The following TMEM242 variants were observed in gnomAD, a reference collection of about 807,000 sequenced individuals.
The protein encoded by TMEM242 is transmembrane protein 242.
TMEM242 carries 10 observed loss-of-function variants against 18.2 expected under a neutral mutation model. That is an observed-to-expected ratio of 0.55 (90% CI 0.34 to 0.93). TMEM242 has a LOEUF of 0.93. Ranked by LOEUF, TMEM242 falls within the 40% of genes least tolerant of loss-of-function variation. The pLI, the probability that TMEM242 is intolerant of heterozygous loss-of-function variation, is 0.02. For missense variants in TMEM242, 186 were observed against 175.5 expected, an observed-to-expected ratio of 1.06 and a Z score of -0.34; for synonymous variants, 57 against 69.9, an observed-to-expected ratio of 0.81 and a Z score of 0.92.
At chr6:157,298,843 A>G (rs1777786647) in intron 3 of TMEM242, among the ~76,000 whole-genome samples, 2 of 152,210 alleles carry the variant, frequency 1.3e-5, no homozygotes, top group Non-Finnish European at 2.9e-5. Context: ...TACCAAAAAC[A>G]CTTTCTTTAG....
chr6:157,311,360 A>ACG (rs1778078418), intron 3 of TMEM242, among the ~76,000 whole-genome samples: 6 of 35,910 alleles, frequency 1.7e-4, no homozygotes, highest in Admixed American at 5.5e-4. Context: ...GCGCTCACCT[A>ACG]GCCTCATCAT....
intron 3 of TMEM242, chr6:157,300,015 A>G: frequency 8.5e-7 from 1 of 1,183,332 alleles, no homozygotes; most frequent in South Asian, 1.2e-5. Flanking sequence ...GTGAAGAGCC[A>G]GGCGCCCTTG....
intron 3 of TMEM242, among the ~76,000 whole-genome samples, chr6:157,303,766 G>T (rs1448371435): frequency 7.3e-6 from 1 of 136,492 alleles, no homozygotes; most frequent in Non-Finnish European, 1.5e-5. Context: ...ATCATAGAAT[G>T]CAAATTGTAG....
In TMEM242 at chr6:157,322,738, C is replaced by A. The variant is rs782482187; in HGVS notation, c.156G>T (p.Leu52Phe). 4.3e-6 allele frequency: 7 copies of A among 1,613,408 alleles called. No individual in the cohort carries two copies. Among genetic ancestry groups the A allele is most frequent in the Non-Finnish European group, 5.9e-6 (7 of 1,179,810 alleles). Residue 52 changes from leucine to phenylalanine, a missense_variant, in exon 2 of 4, where the codon TTG (leucine) becomes TTT (phenylalanine). Leu to Phe is a conservative substitution (Grantham distance 22, BLOSUM62 0). Coordinates refer to ENST00000400788, the MANE Select transcript of TMEM242 (RefSeq NM_018452.6). ...ACCATTCAGGGCTTTTCTTTTTAGCCAATGATAATGTTGTAATAAATCCAG... is the reference window on the plus strand; with the variant it reads ...ACCATTCAGGGCTTTTCTTTTTAGCAAATGATAATGTTGTAATAAATCCAG... ...MLAGFITTLS[L>F]AKKKSPEWFN... is the part of the protein sequence containing the mutation.
chr6:157,312,778 A>T (rs1778218071), intron 3 of TMEM242, among the ~76,000 whole-genome samples: 2 of 141,352 alleles, frequency 1.4e-5, no homozygotes, highest in Admixed American at 1.4e-4. Context: ...GTGTGCGCTC[A>T]CCTAGCTTCA....
In TMEM242 at chr6:157,289,119, A is replaced by G. The variant is rs1427822783; in HGVS notation, c.*3782T>C. ...AGTAATGAAACAAAGGCCTCGAGCCAGCTTCTCTAAGAAATATAAATCAAG... is the reference window on the plus strand; with the variant it reads ...AGTAATGAAACAAAGGCCTCGAGCCGGCTTCTCTAAGAAATATAAATCAAG... On this transcript the variant is annotated 3_prime_UTR_variant, in exon 4 of 4. Coordinates refer to ENST00000400788, the MANE Select transcript of TMEM242 (RefSeq NM_018452.6). Among the ~76,000 whole-genome samples, 1 of 151,464 alleles carries G rather than the reference A, an allele frequency of 6.6e-6. No homozygotes were observed.
rs1554250887 is a variant in TMEM242 at position 157,323,500 on chromosome 6, G to A, written c.-1C>T. 1 of 1,613,652 alleles carries A rather than the reference G, an allele frequency of 6.2e-7. No individual in the cohort carries two copies. Among genetic ancestry groups the A allele is most frequent in the Non-Finnish European group, 8.5e-7 (1 of 1,179,734 alleles). ...CAGTTGCAGCGCCCGCTGTCTCCAT[G>A]TTTAGGTCGCCTCTAGTGCGTCCGT... On this transcript the variant is annotated 5_prime_UTR_variant, in exon 1 of 4. Transcript: ENST00000400788.
rs9456378 is a variant in TMEM242, at chr6:157,310,839, T to G, written c.327+7943A>C. Among the ~76,000 whole-genome samples, 363 of 150,976 alleles carry G rather than the reference T, an allele frequency of 2.4e-3. 2 individuals carry two copies. The highest frequency in any genetic ancestry group is 3.7e-3 in the Admixed American group (56 of 15,124). ...GTGCACTCACCCGGCCTCATCATAGTGTCCCAGTGTGCACTCACCTAGCCT... is the reference window on the plus strand; with the variant it reads ...GTGCACTCACCCGGCCTCATCATAGGGTCCCAGTGTGCACTCACCTAGCCT... On this transcript the variant is annotated intron_variant, in intron 3 of 3. Coordinates refer to ENST00000400788, the MANE Select transcript of TMEM242 (RefSeq NM_018452.6).
At chr6:157,314,625 C>G (rs782696466) in intron 3 of TMEM242, among the ~76,000 whole-genome samples, 1 of 152,200 alleles carries the variant, frequency 6.6e-6, no homozygotes, top group Non-Finnish European at 1.5e-5. Context: ...GCTGGGCAAA[C>G]TTACCTGCCT....
At position 157,306,697 on chromosome 6, in the gene TMEM242, G is replaced by T. The variant is rs137955798; in HGVS notation, c.327+12085C>A. 3.0e-3 allele frequency among the ~76,000 whole-genome samples: 454 copies of T among 152,196 alleles called. 2 individuals carry two copies. The highest frequency in any genetic ancestry group is 5.0e-3 in the Non-Finnish European group (340 of 68,012). ...AAAAAAAGCACCTTAAGCATAACTG[G>T]GTAAAATAAAGCAGCACTATTTCAC... is the stretch of plus-strand genomic sequence containing the variant. On this transcript the variant is annotated intron_variant, in intron 3 of 3. Coordinates refer to ENST00000400788, the MANE Select transcript of TMEM242 (RefSeq NM_018452.6).
chr6:157,293,173 A>G (rs1554246948), intron 3 of TMEM242, among the ~76,000 whole-genome samples, 174 bp from the exon 4 acceptor site: 2 of 152,142 alleles, frequency 1.3e-5, no homozygotes, highest in East Asian at 3.8e-4. Context: ...AGAAAATGAA[A>G]TATACTTCCT....
chr6:157,293,053 C>T, intron 3 of TMEM242, 54 bp from the exon 4 acceptor site: 2 of 1,394,816 alleles, frequency 1.4e-6, no homozygotes, highest in South Asian at 2.3e-5. Flanking sequence ...AGAAAAACAG[C>T]TATTAGAGAT....
chr6:157,313,459 C>T (rs1778276268), intron 3 of TMEM242, among the ~76,000 whole-genome samples: 1 of 151,808 alleles, frequency 6.6e-6, no homozygotes, highest in Non-Finnish European at 1.5e-5. Context: ...CTGCGCTCAC[C>T]TGGCCTCATC....
intron 3 of TMEM242, among the ~76,000 whole-genome samples, chr6:157,311,346 G>T (rs1583565552): frequency 7.6e-6 from 1 of 131,618 alleles, no homozygotes; most frequent in Non-Finnish European, 1.7e-5. Flanking sequence ...TAGTGTCCCA[G>T]TGTGCGCTCA....
chr6:157,319,636 G>C (rs1325292453), intron 2 of TMEM242, among the ~76,000 whole-genome samples: 2 of 152,138 alleles, frequency 1.3e-5, no homozygotes, highest in Non-Finnish European at 2.9e-5. Context: ...AATGAGAACA[G>C]GACATTAAAA....
intron 3 of TMEM242, among the ~76,000 whole-genome samples, chr6:157,295,705 G>C (rs1777740691): frequency 6.6e-6 from 1 of 151,936 alleles, no homozygotes; most frequent in South Asian, 2.1e-4. Context: ...TTATTTACTT[G>C]TGCCCAGGGT....
chr6:157,307,234 A>T (rs1226811595), intron 3 of TMEM242, among the ~76,000 whole-genome samples: 1 of 152,210 alleles, frequency 6.6e-6, no homozygotes, highest in Admixed American at 6.5e-5. Context: ...ACAAAGAAAA[A>T]GAAAACCCAA....
chr6:157,312,861 A>C (rs1778223550), intron 3 of TMEM242, among the ~76,000 whole-genome samples: 1 of 152,060 alleles, frequency 6.6e-6, no homozygotes, highest in African/African-American at 2.4e-5. Flanking sequence ...GCCTCATCAT[A>C]GTGTCCCAGT....
In TMEM242 at chr6:157,291,384, T is replaced by C. The variant is rs1455395077; in HGVS notation, c.*1517A>G. ...CATGCACGTTGGAAACCCACATTTA[T>C]GAAGCACAAAAGGATCAGGCGGTGC... On this transcript the variant is annotated 3_prime_UTR_variant, in exon 4 of 4. Coordinates refer to ENST00000400788, the MANE Select transcript of TMEM242 (RefSeq NM_018452.6). The C allele has an allele frequency of 1.3e-5, 2 of 152,376 alleles. No homozygotes were observed. The highest frequency in any genetic ancestry group is 4.8e-5 in the African/African-American group (2 of 41,586). The allele number at this position is 152,376 out of a possible 1,614,324, so 9.4% of individuals were successfully genotyped here. A position where few individuals can be genotyped will look rare whatever the true frequency, so the allele number is the denominator to read the frequency against.
Sources: gnomAD v4.1 joint callset for allele counts (sites outside exome capture counted in the v4.1 genomes callset) on GRCh38, gnomAD v4.1.1 for gene constraint, MANE v1.5 for transcripts, NCBI Gene and HGNC (gene_info 2026-07-23, HGNC 2026-07-21) for gene names.